Variants in XK observed in about 807,000 individuals in gnomAD.
XK encodes the protein X-linked Kx blood group antigen, Kell and VPS13A binding protein, also known as endoplasmic reticulum membrane adapter protein XK.
Under a neutral mutation model 14.0 loss-of-function variants are expected in XK, and 2 were observed. That is an observed-to-expected ratio of 0.14 (90% CI 0.06 to 0.45). The LOEUF (loss-of-function observed/expected upper bound fraction) is 0.45, where lower values mean the gene tolerates loss of function less well. Ranked by LOEUF, XK falls within the 20% of genes least tolerant of loss-of-function variation. XK has a pLI of 0.98. For synonymous variants in XK, 149 were observed against 147.5 expected, an observed-to-expected ratio of 1.01 and a Z score of -0.08; for missense variants, 235 against 341.5, an observed-to-expected ratio of 0.69 and a Z score of 2.46.
intron 2 of XK, among the ~76,000 whole-genome samples, chrX:37,718,894 C>A (rs368366139): frequency 5.4e-5 from 6 of 111,066 alleles, no homozygotes; most frequent in African/African-American, 2.0e-4. Flanking sequence ...AATGACTGTT[C>A]AGGTATTTTC....
At chrX:37,705,307 C>G (rs1556444810) in intron 2 of XK, among the ~76,000 whole-genome samples, 1 of 109,952 alleles carries the variant, frequency 9.1e-6, no homozygotes, top group Non-Finnish European at 1.9e-5. Context: ...AAAAAATTAG[C>G]CGGGCGTGGT....
At chrX:37,700,082 G>A (rs904904430) in intron 2 of XK, among the ~76,000 whole-genome samples, 1 of 111,972 alleles carries the variant, frequency 8.9e-6, no homozygotes, top group African/African-American at 3.2e-5. Flanking sequence ...TGCGAGGTCA[G>A]TATGCCCAGT....
rs782249527 is a variant in XK, at chrX:37,728,708, A to G, written c.*246A>G. 2.2e-4 allele frequency: 86 copies of G among 396,976 alleles called. No homozygotes were observed. Among genetic ancestry groups the G allele is most frequent in the Non-Finnish European group, 3.4e-4 (77 of 227,265 alleles). The allele number at this position is 396,976 out of a possible 1,213,427, so 32.7% of individuals were successfully genotyped here. A position where few individuals can be genotyped will look rare whatever the true frequency, so the allele number is the denominator to read the frequency against. ...ACAGGTAACCATGTTGTGTTCTTCT[A>G]GGCATTACTGGCCTTTTCACTGACA... On this transcript the variant is annotated 3_prime_UTR_variant, in exon 3 of 3. Coordinates refer to ENST00000378616, the MANE Select transcript of XK (RefSeq NM_021083.4).
intron 2 of XK, among the ~76,000 whole-genome samples, chrX:37,715,154 A>G (rs782221436): frequency 4.3e-4 from 47 of 109,909 alleles, no homozygotes; most frequent in Middle Eastern, 4.7e-3. Context: ...GTGTGTGTGT[A>G]TATATAGTCC....
At chrX:37,691,964 G>A (rs1927211567) in intron 1 of XK, among the ~76,000 whole-genome samples, 1 of 111,206 alleles carries the variant, frequency 9.0e-6, no homozygotes, top group African/African-American at 3.3e-5. Flanking sequence ...GCCCTCCAAC[G>A]TTGGTGAGAG....
chrX:37,694,162 G>C, intron 1 of XK, 124 bp from the exon 2 acceptor site: 1 of 902,892 alleles, frequency 1.1e-6, no homozygotes, highest in Non-Finnish European at 1.6e-6. Context: ...ATTTAGAAGA[G>C]TGACTATAGT....
At chrX:37,707,506 G>A (rs1159086596) in intron 2 of XK, among the ~76,000 whole-genome samples, 5 of 104,999 alleles carry the variant, frequency 4.8e-5, no homozygotes, top group Non-Finnish European at 7.8e-5. Context: ...GCTGCCGGGC[G>A]GAAGGGCTCC....
At chrX:37,725,851 A>G (rs1297669216) in intron 2 of XK, among the ~76,000 whole-genome samples, 3 of 111,860 alleles carry the variant, frequency 2.7e-5, no homozygotes, top group African/African-American at 9.7e-5. Context: ...AGTCAATCTA[A>G]GAAGGCCACA....
intron 2 of XK, among the ~76,000 whole-genome samples, chrX:37,706,847 G>A (rs1292097681): frequency 9.1e-6 from 1 of 109,541 alleles, no homozygotes; most frequent in African/African-American, 3.3e-5. Context: ...TAACGAGCAT[G>A]CTGCCTTCAA....
At chrX:37,688,047 CTTTCTTTCTTTCTTTTTTTTTTT>C (rs1222480264) in intron 1 of XK, among the ~76,000 whole-genome samples, 10 of 72,400 alleles carry the variant, frequency 1.4e-4, no homozygotes, top group African/African-American at 2.7e-4. Flanking sequence ...TTCTTTCTTT[CTTTCTTTCTTTCTTTTTTTTTTT>C]TTTTTTTTGA....
intron 2 of XK, among the ~76,000 whole-genome samples, chrX:37,725,891 T>C (rs1455294084): frequency 8.9e-6 from 1 of 111,828 alleles, no homozygotes; most frequent in Non-Finnish European, 1.9e-5. Flanking sequence ...TATAACATTC[T>C]GGAAAACGTA....
chrX:37,686,069 G>T lies in XK; in HGVS notation c.108G>T (p.Trp36Cys), dbSNP rs782030330. The T allele has an allele frequency of 1.7e-6, 2 of 1,211,532 alleles. No individual in the cohort carries two copies. Among genetic ancestry groups the T allele is most frequent in the Admixed American group, 2.2e-5 (1 of 46,166 alleles). ...STYRSGGDRMWQALTLLFSLL... is the reference protein window; with the variant it reads ...STYRSGGDRMCQALTLLFSLL... ...ACCGCTCGGGCGGGGACCGCATGTG[G>T]CAGGCGCTGACGTTGCTTTTCTCGC... Residue 36 changes from tryptophan (W) to cysteine (C), a missense_variant, in exon 1 of 3, where the codon TGG becomes TGT. Physicochemically the swap from Trp to Cys is radical, Grantham distance 215. Coordinates refer to ENST00000378616, the MANE Select transcript of XK (RefSeq NM_021083.4).
In XK at chrX:37,685,910, C is replaced by T. The variant is rs2146805750; in HGVS notation, c.-52C>T. ...GCAACGGCCGCCGCCGCCACAGCCA[C>T]ACAGCCGCCGCCACTGCGTCCGTCC... On this transcript the variant is annotated 5_prime_UTR_variant, in exon 1 of 3. Coordinates refer to ENST00000378616, the MANE Select transcript of XK (RefSeq NM_021083.4). 1.1e-5 allele frequency: 13 copies of T among 1,169,284 alleles called. No homozygotes were observed. In the South Asian group the frequency reaches 1.7e-4, roughly 15 times the overall value.
At position 37,729,840 on chromosome X, in the gene XK, A is replaced by G. The variant is rs1312809864; in HGVS notation, c.*1378A>G. The G allele has an allele frequency of 8.9e-6, 1 of 111,807 alleles. No individual in the cohort carries two copies. 9.2% of individuals were successfully genotyped at this position (111,807 alleles called of 1,213,427 possible). On this transcript the variant is annotated 3_prime_UTR_variant, in exon 3 of 3. Transcript: ENST00000378616. ...GGGATCCACTTCTCTGTTAACCTAC[A>G]AAACGTATTTATCTGGCCATTGCAC...
intron 2 of XK, among the ~76,000 whole-genome samples, chrX:37,720,744 T>G (rs782153032): frequency 4.5e-5 from 5 of 111,198 alleles, no homozygotes; most frequent in Non-Finnish European, 7.6e-5. Flanking sequence ...TGTGTACACA[T>G]TATTTAGCTC....
intron 2 of XK, among the ~76,000 whole-genome samples, chrX:37,708,114 T>A (rs1298689994): frequency 6.3e-5 from 7 of 111,795 alleles, no homozygotes; most frequent in African/African-American, 2.3e-4. Flanking sequence ...GCTGAGGCAG[T>A]AGAATCAGGC....
At chrX:37,692,729 T>A (rs1269497244) in intron 1 of XK, among the ~76,000 whole-genome samples, 1 of 112,282 alleles carries the variant, frequency 8.9e-6, no homozygotes, top group Non-Finnish European at 1.9e-5. Flanking sequence ...ATCTTTGATG[T>A]GATCAGTGGT....
intron 2 of XK, among the ~76,000 whole-genome samples, chrX:37,725,887 A>T (rs1393584835): frequency 8.9e-6 from 1 of 111,943 alleles, no homozygotes; most frequent in Non-Finnish European, 1.9e-5. Flanking sequence ...ACTATATAAC[A>T]TTCTGGAAAA....
intron 2 of XK, among the ~76,000 whole-genome samples, chrX:37,712,717 A>C (rs1305682552): frequency 1.8e-5 from 2 of 111,811 alleles, no homozygotes; most frequent in African/African-American, 6.5e-5. Context: ...TCGTTTGTGC[A>C]TGCCCAGTTC....
Sources: gnomAD v4.1 joint callset for allele counts (sites outside exome capture counted in the v4.1 genomes callset) on GRCh38, gnomAD v4.1.1 for gene constraint, MANE v1.5 for transcripts, NCBI Gene and HGNC (gene_info 2026-07-23, HGNC 2026-07-21) for gene names.